TDRD12: variants seen among roughly 807,000 people sequenced by gnomAD.
The protein encoded by TDRD12 is putative ATP-dependent RNA helicase TDRD12.
A neutral mutation model predicts 133.5 loss-of-function variants in TDRD12; 158 were observed. The observed-to-expected ratio is 1.18, with a 90% CI of 1.04 to 1.35. TDRD12 has a LOEUF of 1.35. Among genes scored for constraint, TDRD12 ranks in the 40% most tolerant of loss-of-function variants. The pLI is 0.00. For synonymous variants in TDRD12, 460 were observed against 477.9 expected, an observed-to-expected ratio of 0.96 and a Z score of 0.49; for missense variants, 1,443 against 1,321.3, an observed-to-expected ratio of 1.09 and a Z score of -1.43.
At chr19:32,813,537 G>A (rs369391900) in intron 24 of TDRD12, 147 bp from the exon 25 acceptor site, 14 of 572,188 alleles carry the variant, frequency 2.4e-5, no homozygotes, top group African/African-American at 3.8e-5. Flanking sequence ...CCTTGTGGAC[G>A]AGAGGGGGTG....
exon 2 of TDRD12, chr19:32,731,802 A>ATTAAATAGTGCC: frequency 6.4e-7 from 1 of 1,551,528 alleles, no homozygotes. Flanking sequence ...ATTATCAAAA[A>ATTAAATAGTGCC]TTAAATAGTG....
chr19:32,764,826 G>A (rs192652904), intron 8 of TDRD12, among the ~76,000 whole-genome samples: 22 of 152,236 alleles, frequency 1.4e-4, no homozygotes, highest in African/African-American at 5.3e-4. Context: ...CTCTAGGCAT[G>A]GGCAAGGACT....
At chr19:32,736,367 G>A (rs919939182) in intron 2 of TDRD12, among the ~76,000 whole-genome samples, 1 of 152,198 alleles carries the variant, frequency 6.6e-6, no homozygotes, top group Non-Finnish European at 1.5e-5. Flanking sequence ...CCTAGGCAAT[G>A]TAGTGATGAG....
In TDRD12 at chr19:32,740,722, CA is replaced by C. The variant is rs200247371; in HGVS notation, c.320+1731del. ...AGGTAGAGAGAAACGCCTCTCTCCA[CA>C]GAAGGGGGGTTGCTGGCATAGTCTC... On this transcript the variant is annotated intron_variant, in intron 3 of 27. Coordinates refer to ENST00000444215, the Ensembl canonical transcript of TDRD12. Among the ~76,000 whole-genome samples the C allele has an allele frequency of 7.5e-4, 114 of 152,278 alleles. 1 individual carries two copies. In the East Asian group the frequency reaches 0.02, roughly 27 times the overall value.
exon 9 of TDRD12, chr19:32,772,841 T>A (rs1237817867): frequency 9.6e-6 from 14 of 1,461,418 alleles, no homozygotes; most frequent in Non-Finnish European, 1.3e-5. Context: ...CTTTAAAAGA[T>A]ACAAATAAGG....
intron 11 of TDRD12, among the ~76,000 whole-genome samples, chr19:32,780,905 C>T (rs2145630030): frequency 6.6e-6 from 1 of 151,066 alleles, no homozygotes; most frequent in African/African-American, 2.4e-5. Context: ...CTACTGTCTG[C>T]CACCATGCCT....
At chr19:32,788,880 G>A (rs930453927) in intron 11 of TDRD12, among the ~76,000 whole-genome samples, 1 of 152,180 alleles carries the variant, frequency 6.6e-6, no homozygotes, top group African/African-American at 2.4e-5. Flanking sequence ...GGCCCCTGGG[G>A]CTAAAGACCT....
In TDRD12 at chr19:32,768,400, T is replaced by TC. The variant is rs1453793811; in HGVS notation, c.866-4352dup. Among the ~76,000 whole-genome samples, 21 of 147,894 alleles carry TC rather than the reference T, an allele frequency of 1.4e-4. No homozygotes were observed. In the East Asian group the frequency reaches 3.0e-3, roughly 21 times the overall value. On this transcript the variant is annotated intron_variant, in intron 8 of 27. Coordinates refer to ENST00000444215, the Ensembl canonical transcript of TDRD12. ...GGTCTTTATTCTTTTTTTTTTTTTT[T>TC]CTTTTCAGAGACAGGGTGTTGCACT...
At chr19:32,770,168 A>C (rs1970406764) in intron 8 of TDRD12, among the ~76,000 whole-genome samples, 1 of 151,368 alleles carries the variant, frequency 6.6e-6, no homozygotes, top group African/African-American at 2.4e-5. Context: ...CACCATGCCC[A>C]GCTAATTTTT....
At chr19:32,807,573 A>T in exon 22 of TDRD12, 1 of 1,535,004 alleles carries the variant, frequency 6.5e-7, no homozygotes, top group Non-Finnish European at 8.7e-7. Flanking sequence ...GTCCTGACCG[A>T]CACCGTATTA....
At chr19:32,803,019 A>T in exon 21 of TDRD12, 1 of 1,536,012 alleles carries the variant, frequency 6.5e-7, no homozygotes, top group Non-Finnish European at 8.7e-7. Flanking sequence ...CGCTACTTGG[A>T]GCGAGCGGAC....
At chr19:32,731,930 C>A in intron 2 of TDRD12, 47 bp downstream of exon 2, 2 of 1,459,172 alleles carry the variant, frequency 1.4e-6, no homozygotes, top group South Asian at 1.4e-5. Flanking sequence ...AAACACCACT[C>A]AAAATATAAA....
In TDRD12 at chr19:32,750,436, A is replaced by T. The variant is rs181280299; in HGVS notation, c.582+567A>T. ...AGGGTACCTTAACCATGGATTTTTT[A>T]AAAATTGTATTTTGAAATAGACTTA... On this transcript the variant is annotated intron_variant, in intron 6 of 27. Transcript: ENST00000444215. Among the ~76,000 whole-genome samples, 129 of 152,280 alleles carry T rather than the reference A, an allele frequency of 8.5e-4. 3 individuals are homozygous for T. The East Asian group carries it at 0.022, about 26-fold the overall frequency.
exon 16 of TDRD12, chr19:32,798,342 G>C: frequency 1.3e-6 from 2 of 1,535,706 alleles, no homozygotes; most frequent in Non-Finnish European, 1.7e-6. Context: ...ACAGCCTGCT[G>C]AGGCTTCTCG....
At position 32,763,398 on chromosome 19, in the gene TDRD12, C is replaced by G. The variant is rs11669187; in HGVS notation, c.865+6268C>G. On this transcript the variant is annotated intron_variant, in intron 8 of 27. Transcript: ENST00000444215. ...AGGTGCCCCTCAGCATCCCTCACCT[C>G]TCACCTTATGTGGGACAGGATGGCT... 8.6e-3 allele frequency among the ~76,000 whole-genome samples: 1,304 copies of G among 152,236 alleles called. 41 individuals carry two copies. The East Asian group carries it at 0.1, about 12-fold the overall frequency.
intron 11 of TDRD12, among the ~76,000 whole-genome samples, chr19:32,784,591 G>T (rs1970854233): frequency 6.6e-6 from 1 of 152,198 alleles, no homozygotes; most frequent in Admixed American, 6.5e-5. Flanking sequence ...ACCTCTGGTA[G>T]AATTCGGCTG....
At chr19:32,759,979 C>A (rs552850968) in intron 8 of TDRD12, among the ~76,000 whole-genome samples, 2 of 152,348 alleles carry the variant, frequency 1.3e-5, no homozygotes, top group South Asian at 4.1e-4. Context: ...TTCTGATATG[C>A]CTCTTGTAGG....
chr19:32,818,334 C>T lies in TDRD12; in HGVS notation c.3383+177C>T, dbSNP rs115754296. ...CAGAGCGGAGCAGAACACAGAGACC[C>T]GGAGGTGCTGGGCCAGGTCTTGTGG... On this transcript the variant is annotated intron_variant, in intron 27 of 27. Coordinates refer to ENST00000444215, the Ensembl canonical transcript of TDRD12. 2.1e-3 allele frequency among the ~76,000 whole-genome samples: 319 copies of T among 152,178 alleles called. 2 individuals carry two copies. Among genetic ancestry groups the T allele is most frequent in the African/African-American group, 7.4e-3 (308 of 41,504 alleles).
intron 26 of TDRD12, among the ~76,000 whole-genome samples, chr19:32,816,286 C>T (rs1967178650): frequency 6.6e-6 from 1 of 152,164 alleles, no homozygotes; most frequent in African/African-American, 2.4e-5. Flanking sequence ...GATCAAGAAA[C>T]AGAGCCTGGC....
Sources: allele counts gnomAD v4.1 joint callset (sites outside exome capture counted in the v4.1 genomes callset), GRCh38; gene constraint gnomAD v4.1.1; transcripts MANE v1.5; gene names NCBI Gene and HGNC (gene_info 2026-07-23, HGNC 2026-07-21).